TSC22D3: variants seen among roughly 807,000 people sequenced by gnomAD.
The protein encoded by TSC22D3 is TSC22 domain family protein 3.
TSC22D3 carries 4 observed loss-of-function variants against 11.1 expected under a neutral mutation model. The ratio of observed to expected loss-of-function variants is 0.36; its 90% CI spans 0.18 to 0.83. The LOEUF is 0.83. Ranked by LOEUF, TSC22D3 falls within the 40% of genes least tolerant of loss-of-function variation. The pLI is 0.48. For missense variants in TSC22D3, 118 were observed against 159.4 expected (o/e 0.74, Z 1.40); for synonymous variants, 77 against 70.3 (o/e 1.10, Z -0.48).
At chrX:107,728,077 GCTTAT>G (rs1293436361) in intron 1 of TSC22D3, among the ~76,000 whole-genome samples, 3 of 111,197 alleles carry the variant, frequency 2.7e-5, no homozygotes, top group African/African-American at 9.8e-5. Context: ...GAGGGCAGGG[GCTTAT>G]CTTATTTACT....
At chrX:107,719,678 G>A in intron 1 of TSC22D3, among the ~76,000 whole-genome samples, 1 of 112,005 alleles carries the variant, frequency 8.9e-6, no homozygotes, top group Non-Finnish European at 1.9e-5. Flanking sequence ...TGAATGGTTA[G>A]AGGCTTGAAT....
chrX:107,746,683 A>G lies in TSC22D3; in HGVS notation c.320+28417T>C, dbSNP rs146686090. 4.4e-3 allele frequency among the ~76,000 whole-genome samples: 494 copies of G among 111,592 alleles called. 3 individuals are homozygous for G. Among genetic ancestry groups the G allele is most frequent in the African/African-American group, 0.015 (464 of 30,645 alleles). ...CATACAGCATAACAGCTGTTTTTTT[A>G]CGTACACCCTCATCACTCCTCAAGT... On this transcript the variant is annotated intron_variant, in intron 1 of 2. Coordinates refer to ENST00000372383, the MANE Select transcript of TSC22D3 (RefSeq NM_198057.3).
At chrX:107,749,770 A>T (rs1266464799) in intron 1 of TSC22D3, among the ~76,000 whole-genome samples, 1 of 111,667 alleles carries the variant, frequency 9.0e-6, no homozygotes, top group Non-Finnish European at 1.9e-5. Context: ...GCCCTTGCTT[A>T]ACACCTGGTG....
intron 1 of TSC22D3, chrX:107,716,170 G>A: frequency 1.5e-6 from 1 of 682,583 alleles, no homozygotes; most frequent in Non-Finnish European, 2.1e-6. Context: ...TGCTGCCGCC[G>A]CCCCGAGTTC....
chrX:107,716,034 C>G, intron 1 of TSC22D3, 84 bp from the exon 2 acceptor site: 2 of 1,013,495 alleles, frequency 2.0e-6, no homozygotes, highest in Non-Finnish European at 1.4e-6. Flanking sequence ...AGTCCTCCAT[C>G]TGCCTCGGCT....
chrX:107,750,755 G>T (rs1316301836), intron 1 of TSC22D3, among the ~76,000 whole-genome samples: 1 of 111,381 alleles, frequency 9.0e-6, no homozygotes, highest in African/African-American at 3.3e-5. Context: ...GCTCCAAGCT[G>T]GATAGGGGTA....
intron 1 of TSC22D3, among the ~76,000 whole-genome samples, chrX:107,733,569 A>G (rs1221957790): frequency 9.2e-6 from 1 of 108,736 alleles, no homozygotes; most frequent in Non-Finnish European, 1.9e-5. Context: ...CCCCCTCACC[A>G]TCCATCCTGT....
intron 1 of TSC22D3, among the ~76,000 whole-genome samples, chrX:107,718,352 T>C (rs1003939374): frequency 3.6e-5 from 4 of 112,388 alleles, no homozygotes; most frequent in African/African-American, 6.5e-5. Flanking sequence ...AAGGAGAACA[T>C]TGGGTTCCAC....
chrX:107,751,332 G>T (rs1007970577), intron 1 of TSC22D3, among the ~76,000 whole-genome samples: 1 of 111,736 alleles, frequency 8.9e-6, no homozygotes, highest in Non-Finnish European at 1.9e-5. Context: ...CTTCCCCTGC[G>T]TAAGCTGTGT....
At chrX:107,751,398 G>T (rs1602402087) in intron 1 of TSC22D3, among the ~76,000 whole-genome samples, 1 of 111,775 alleles carries the variant, frequency 8.9e-6, no homozygotes, top group Non-Finnish European at 1.9e-5. Context: ...GCCTAGAGGG[G>T]AACAGAACTC....
At chrX:107,731,295 G>A (rs890557248) in intron 1 of TSC22D3, among the ~76,000 whole-genome samples, 4 of 111,586 alleles carry the variant, frequency 3.6e-5, no homozygotes, top group Admixed American at 2.9e-4. Context: ...TGCTTGTGCC[G>A]TATTCTTCCA....
At chrX:107,744,553 C>T (rs1387888591) in intron 1 of TSC22D3, among the ~76,000 whole-genome samples, 3 of 111,870 alleles carry the variant, frequency 2.7e-5, no homozygotes, top group Non-Finnish European at 5.6e-5. Flanking sequence ...CTACTACTTT[C>T]CATACTTACA....
At chrX:107,747,936 T>C (rs987107683) in intron 1 of TSC22D3, among the ~76,000 whole-genome samples, 2 of 112,540 alleles carry the variant, frequency 1.8e-5, no homozygotes, top group African/African-American at 6.5e-5. Flanking sequence ...AGAGAAACCC[T>C]GAACCCTGTC....
intron 1 of TSC22D3, among the ~76,000 whole-genome samples, chrX:107,739,678 T>C (rs1928305510): frequency 8.9e-6 from 1 of 112,694 alleles, no homozygotes; most frequent in African/African-American, 3.2e-5. Flanking sequence ...AGGGCCAGTC[T>C]AGTCTGTCCC....
chrX:107,729,941 C>T (rs780467638), intron 1 of TSC22D3, among the ~76,000 whole-genome samples: 1 of 112,525 alleles, frequency 8.9e-6, no homozygotes, highest in African/African-American at 3.2e-5. Context: ...TTTAAGCAAA[C>T]CTGACATTAT....
intron 1 of TSC22D3, among the ~76,000 whole-genome samples, chrX:107,729,700 C>G (rs1927799125): frequency 8.9e-6 from 1 of 112,544 alleles, no homozygotes; most frequent in African/African-American, 3.2e-5. Context: ...CCTCTCCACC[C>G]CCGGGGCCCT....
At chrX:107,765,138 C>T (rs1929603252) in intron 1 of TSC22D3, among the ~76,000 whole-genome samples, 1 of 112,015 alleles carries the variant, frequency 8.9e-6, no homozygotes, top group Admixed American at 9.4e-5. Flanking sequence ...GTTCTCCTCC[C>T]CTCTCCCAAT....
intron 1 of TSC22D3, among the ~76,000 whole-genome samples, chrX:107,720,827 A>G (rs1317398512): frequency 9.0e-6 from 1 of 111,549 alleles, no homozygotes; most frequent in Non-Finnish European, 1.9e-5. Context: ...TCAGCACACC[A>G]GAAAATTTCT....
intron 1 of TSC22D3, among the ~76,000 whole-genome samples, chrX:107,771,458 G>A (rs940566022): frequency 1.8e-5 from 2 of 111,551 alleles, no homozygotes; most frequent in African/African-American, 6.5e-5. Flanking sequence ...GGTGGCGTGC[G>A]CCTGTAGTCC....
Sources: gnomAD v4.1 joint callset for allele counts (sites outside exome capture counted in the v4.1 genomes callset) on GRCh38, gnomAD v4.1.1 for gene constraint, MANE v1.5 for transcripts, NCBI Gene and HGNC (gene_info 2026-07-23, HGNC 2026-07-21) for gene names.